The following SLC25A42 variants were observed in gnomAD, a reference collection of about 807,000 sequenced individuals.
SLC25A42 encodes the protein solute carrier family 25 member 42.
In SLC25A42, 19 loss-of-function variants were observed where a neutral mutation model predicts 34.7. The ratio of observed to expected loss-of-function variants is 0.55; its 90% CI spans 0.38 to 0.80. The LOEUF is 0.80. Ranked by LOEUF, SLC25A42 falls within the 30% of genes least tolerant of loss-of-function variation. The pLI, the probability that SLC25A42 is intolerant of heterozygous loss-of-function variation, is 0.00. For missense variants in SLC25A42, 364 were observed against 441.3 expected, an observed-to-expected ratio of 0.82 and a Z score of 1.57; for synonymous variants, 205 against 191.2, an observed-to-expected ratio of 1.07 and a Z score of -0.59.
intron 1 of SLC25A42, among the ~76,000 whole-genome samples, chr19:19,091,207 A>T (rs1599677658): frequency 6.6e-6 from 1 of 152,242 alleles, no homozygotes; most frequent in Admixed American, 6.5e-5. Flanking sequence ...CTGTAATCCC[A>T]GCACTTTAGG....
rs2059849618 is a variant in SLC25A42, at chr19:19,109,117, G to A, written c.649+1072G>A. Among the ~76,000 whole-genome samples the A allele has an allele frequency of 6.6e-6, 1 of 152,238 alleles. No individual in the cohort carries two copies. The highest frequency in any genetic ancestry group is 1.5e-5 in the Non-Finnish European group (1 of 68,040). ...TTCACAGGTATAAAAAATGCTCCAA[G>A]TGGAGTCAGCTCACCCGGGAGTGCA... On this transcript the variant is annotated intron_variant, in intron 7 of 7. Coordinates refer to ENST00000318596, the MANE Select transcript of SLC25A42 (RefSeq NM_178526.5). This position sits in a 1 kb window ranked among gnomAD's most constrained non-coding sequence, Gnocchi z 4.1.
At chr19:19,098,867 T>C (rs925011376) in intron 2 of SLC25A42, among the ~76,000 whole-genome samples, 3 of 152,140 alleles carry the variant, frequency 2.0e-5, no homozygotes, top group Admixed American at 6.5e-5. Flanking sequence ...GAGGTTGCAG[T>C]GAGCCAAAAT....
intron 4 of SLC25A42, 96 bp downstream of exon 4, chr19:19,105,034 G>A (rs1332515466): frequency 1.6e-5 from 22 of 1,412,432 alleles, no homozygotes; most frequent in Non-Finnish European, 1.7e-5. Flanking sequence ...GAGTCTCAGG[G>A]GTGGGGACAG....
chr19:19,099,126 G>A (rs1224808232), intron 2 of SLC25A42, among the ~76,000 whole-genome samples: 2 of 152,124 alleles, frequency 1.3e-5, no homozygotes, highest in Non-Finnish European at 2.9e-5. Flanking sequence ...GACTGCTGCT[G>A]GGACCACCAA....
At position 19,070,588 on chromosome 19, in the gene SLC25A42, G is replaced by A. The variant is rs150511259; in HGVS notation, c.-35+6473G>A. Reference sequence around the variant, plus strand: ...GGGATTACAGATGTGAACCACTCCCGGCCGATCCCCTCTTCTTATAAGGAC... The same window carrying A: ...GGGATTACAGATGTGAACCACTCCCAGCCGATCCCCTCTTCTTATAAGGAC... On this transcript the variant is annotated intron_variant, in intron 1 of 7. Coordinates refer to ENST00000318596, the MANE Select transcript of SLC25A42 (RefSeq NM_178526.5). Among the ~76,000 whole-genome samples the A allele has an allele frequency of 6.0e-3, 910 of 152,020 alleles. 4 individuals carry two copies. The highest frequency in any genetic ancestry group is 0.058 in the Middle Eastern group (17 of 294).
In SLC25A42 at chr19:19,068,345, ACT is replaced by A. The variant is rs376885899; in HGVS notation, c.-35+4233_-35+4234del. Among the ~76,000 whole-genome samples, 671 of 135,266 alleles carry A rather than the reference ACT, an allele frequency of 5.0e-3. 9 individuals carry two copies. Among genetic ancestry groups the A allele is most frequent in the Middle Eastern group, 0.027 (6 of 224 alleles). 88.7% of individuals were successfully genotyped at this position (135,266 alleles called of 152,430 possible). A position where few individuals can be genotyped will look rare whatever the true frequency, so the allele number is the denominator to read the frequency against. ...ACTCCAGCCTGGGCGACAGAGCGAG[ACT>A]CTGTCTCAAAAAAAAAAAAAAAAAG... is the stretch of plus-strand genomic sequence containing the variant. On this transcript the variant is annotated intron_variant, in intron 1 of 7. Coordinates refer to ENST00000318596, the MANE Select transcript of SLC25A42 (RefSeq NM_178526.5).
intron 3 of SLC25A42, 126 bp downstream of exon 3, chr19:19,102,012 TTG>T: frequency 2.9e-6 from 2 of 679,256 alleles, no homozygotes; most frequent in Non-Finnish European, 4.8e-6. Flanking sequence ...AGGTTTTTTG[TTG>T]TTTTTTTTTT....
rs542985346 is a variant in SLC25A42 at position 19,111,237 on chromosome 19, T to C, written c.*361T>C. On this transcript the variant is annotated 3_prime_UTR_variant, in exon 8 of 8. Transcript: ENST00000318596. Reference sequence around the variant, plus strand: ...ATGCTGCTGATTCTAGTGACCCCTGTCCCCACCAGGCTCAGAGCCAGACCG... The same window carrying C: ...ATGCTGCTGATTCTAGTGACCCCTGCCCCCACCAGGCTCAGAGCCAGACCG... The C allele has an allele frequency of 1.3e-5, 4 of 306,272 alleles. No individual in the cohort carries two copies. In the East Asian group the frequency reaches 3.9e-4, roughly 30 times the overall value. 19.0% of individuals were successfully genotyped at this position (306,272 alleles called of 1,614,324 possible). A position where few individuals can be genotyped will look rare whatever the true frequency, so the allele number is the denominator to read the frequency against.
At chr19:19,089,096 C>T (rs185452630) in intron 1 of SLC25A42, among the ~76,000 whole-genome samples, 12 of 152,302 alleles carry the variant, frequency 7.9e-5, no homozygotes, top group African/African-American at 2.4e-4. Flanking sequence ...TGAGCCACTG[C>T]GCCTGGCCAG....
In SLC25A42 at chr19:19,081,204, C is replaced by G. The variant is rs1398581773; in HGVS notation, c.-34-14887C>G. Among the ~76,000 whole-genome samples, 2 of 151,806 alleles carry G rather than the reference C, an allele frequency of 1.3e-5. No individual in the cohort carries two copies. Among genetic ancestry groups the G allele is most frequent in the African/African-American group, 4.8e-5 (2 of 41,294 alleles). On this transcript the variant is annotated intron_variant, in intron 1 of 7. Transcript: ENST00000318596. The surrounding 1 kb of genome is among the most constrained non-coding windows in gnomAD (Gnocchi z 4.5). ...GGAAGGGAAGAAGGAGAAATACCCT[C>G]CCCACAGACTTGTCATTGGGGCACA...
intron 2 of SLC25A42, among the ~76,000 whole-genome samples, chr19:19,099,680 A>G (rs1175189532): frequency 6.6e-6 from 1 of 151,990 alleles, no homozygotes; most frequent in Non-Finnish European, 1.5e-5. Flanking sequence ...TCCAGCCTCC[A>G]CCATATCTAT....
intron 1 of SLC25A42, among the ~76,000 whole-genome samples, chr19:19,079,780 C>G (rs1448734693): frequency 2.6e-5 from 4 of 152,132 alleles, no homozygotes; most frequent in Non-Finnish European, 5.9e-5. Flanking sequence ...CTATGTTGCC[C>G]AGGCTGGTCT....
chr19:19,097,925 TGCACTCCA>T (rs1429633551), intron 2 of SLC25A42, among the ~76,000 whole-genome samples: 2 of 150,704 alleles, frequency 1.3e-5, no homozygotes, highest in African/African-American at 4.9e-5. Flanking sequence ...ATCACGCCAC[TGCACTCCA>T]GCCTAGGCGA....
rs1449218313 is a variant in SLC25A42 at position 19,100,302 on chromosome 19, A to G, written c.82-1479A>G. On this transcript the variant is annotated intron_variant, in intron 2 of 7. Coordinates refer to ENST00000318596, the MANE Select transcript of SLC25A42 (RefSeq NM_178526.5). ...GTTTGCAGTGAGCTGAGATCACACC[A>G]CTGTGTTCCAGCCTGGGCGACAGAG... 3.3e-5 allele frequency among the ~76,000 whole-genome samples: 5 copies of G among 152,202 alleles called. No homozygotes were observed. The East Asian group carries it at 9.7e-4, about 30-fold the overall frequency.
At chr19:19,107,001 A>T (rs919706950) in intron 6 of SLC25A42, 9 of 149,358 alleles carry the variant, frequency 6.0e-5, no homozygotes, top group African/African-American at 2.0e-4. Context: ...AGATACCATG[A>T]TCATGAAAAA....
At chr19:19,095,314 G>C (rs1375625636) in intron 1 of SLC25A42, among the ~76,000 whole-genome samples, 1 of 150,672 alleles carries the variant, frequency 6.6e-6, no homozygotes, top group African/African-American at 2.4e-5. Flanking sequence ...CTTGAGCCTG[G>C]GTGGGGGAAA....
chr19:19,072,412 G>A (rs1221206001), intron 1 of SLC25A42, among the ~76,000 whole-genome samples: 1 of 151,942 alleles, frequency 6.6e-6, no homozygotes. Context: ...GAGTCTCACT[G>A]TGTTACCCAG....
intron 1 of SLC25A42, among the ~76,000 whole-genome samples, chr19:19,092,111 A>T (rs1160491995): frequency 6.6e-6 from 1 of 152,154 alleles, no homozygotes; most frequent in African/African-American, 2.4e-5. Flanking sequence ...TCCAGGCCTC[A>T]TCCTCAACCC....
intron 1 of SLC25A42, among the ~76,000 whole-genome samples, chr19:19,071,299 G>A (rs550285162): frequency 1.3e-5 from 2 of 152,162 alleles, no homozygotes; most frequent in Admixed American, 6.5e-5. Context: ...AAGCCGCCAC[G>A]CCCAGCTCCA....
Sources: gnomAD v4.1 joint callset for allele counts (sites outside exome capture counted in the v4.1 genomes callset) on GRCh38, gnomAD v4.1.1 for gene constraint, Gnocchi (gnomAD v3.1) non-coding constraint, MANE v1.5 for transcripts, NCBI Gene and HGNC (gene_info 2026-07-23, HGNC 2026-07-21) for gene names.